FDXR: variants seen among roughly 807,000 people sequenced by gnomAD.
The protein encoded by FDXR is ferredoxin reductase.
FDXR carries 38 observed loss-of-function variants against 58.3 expected under a neutral mutation model. The ratio of observed to expected loss-of-function variants is 0.65; its 90% CI spans 0.50 to 0.85. The LOEUF (loss-of-function observed/expected upper bound fraction) is 0.85, where lower values mean the gene tolerates loss of function less well. Ranked by LOEUF, FDXR falls within the 40% of genes least tolerant of loss-of-function variation. FDXR has a pLI of 0.00. For synonymous variants in FDXR, 275 were observed against 273.8 expected (o/e 1.00, Z -0.04); for missense variants, 624 against 671.0 (o/e 0.93, Z 0.77).
At chr17:74,872,690 A>G (rs1290878530) in intron 1 of FDXR, 176 bp downstream of exon 1, 2 of 1,383,432 alleles carry the variant, frequency 1.4e-6, no homozygotes, top group East Asian at 2.5e-5. Context: ...TAGAAGCCTC[A>G]CATCTCACGC....
chr17:74,867,455 C>G (rs1029815794), intron 2 of FDXR, among the ~76,000 whole-genome samples: 1 of 152,022 alleles, frequency 6.6e-6, no homozygotes, highest in Admixed American at 6.5e-5. Flanking sequence ...GCACAACCCA[C>G]AGCCCTGGCC....
chr17:74,870,905 C>T (rs905562766), intron 2 of FDXR, among the ~76,000 whole-genome samples: 4 of 147,514 alleles, frequency 2.7e-5, no homozygotes, highest in South Asian at 2.1e-4. Flanking sequence ...TGGGTTCAAG[C>T]GATCCTCCCG....
At chr17:74,870,500 G>A (rs1252506626) in intron 2 of FDXR, among the ~76,000 whole-genome samples, 3 of 119,002 alleles carry the variant, frequency 2.5e-5, no homozygotes, top group Non-Finnish European at 4.8e-5. Flanking sequence ...CTGGGCGACA[G>A]AGCCAGACTC....
intron 2 of FDXR, among the ~76,000 whole-genome samples, chr17:74,871,271 C>T (rs1257980385): frequency 6.6e-6 from 1 of 152,232 alleles, no homozygotes; most frequent in Non-Finnish European, 1.5e-5. Context: ...GCGCTGAAGC[C>T]CCTTGTCCTG....
chr17:74,864,937 A>T lies in FDXR; in HGVS notation c.610-6T>A. 1 of 1,614,158 alleles carries T rather than the reference A, an allele frequency of 6.2e-7. No homozygotes were observed. The highest frequency in any genetic ancestry group is 1.1e-5 in the South Asian group (1 of 91,088). On this transcript the variant is annotated splice_polypyrimidine_tract_variant and splice_region_variant and intron_variant, in intron 6 of 11. Coordinates refer to ENST00000293195, the MANE Select transcript of FDXR (RefSeq NM_024417.5). ...GCCTTCGTGATGTCCGTTCTCTGGC[A>T]CAAAAGGAGGGCCTTGGAGTCATCA... is the stretch of plus-strand genomic sequence containing the variant.
intron 5 of FDXR, 50 bp downstream of exon 5, chr17:74,866,081 G>A (rs373706276): frequency 4.6e-5 from 64 of 1,380,746 alleles, no homozygotes; most frequent in Non-Finnish European, 6.0e-5. Flanking sequence ...TGGCATCCAA[G>A]GGCTGAGGGG....
At chr17:74,862,995 G>T in intron 11 of FDXR, 48 bp from the exon 12 acceptor site, 2 of 1,603,982 alleles carry the variant, frequency 1.2e-6, no homozygotes, top group Non-Finnish European at 1.7e-6. Flanking sequence ...ACCCCTCCCA[G>T]AACAGCCCCC....
intron 2 of FDXR, chr17:74,868,535 C>T: frequency 1.3e-6 from 2 of 1,520,354 alleles, no homozygotes; most frequent in African/African-American, 2.7e-5. Context: ...CAACACCTCA[C>T]CCAACCAACC....
Position 74,872,149 on chromosome 17 carries a change from G to A in FDXR, c.80-16C>T, listed in dbSNP as rs200166267. ...TGGCAGAAGCCTGGGGCCAGGCAGA[G>A]GAGAGGGAAAAGGTCAAAATTAACT... On this transcript the variant is annotated splice_polypyrimidine_tract_variant and intron_variant, in intron 1 of 11. Transcript: ENST00000293195. 6.9e-6 allele frequency: 11 copies of A among 1,604,812 alleles called. No individual in the cohort carries two copies. In the East Asian group the frequency reaches 2.2e-4, roughly 33 times the overall value.
At chr17:74,867,175 T>G (rs886164243) in intron 2 of FDXR, among the ~76,000 whole-genome samples, 3 of 151,710 alleles carry the variant, frequency 2.0e-5, no homozygotes, top group Non-Finnish European at 2.9e-5. Context: ...AGCGTGGTGG[T>G]AGGCACCTGC....
At chr17:74,868,385 G>A (rs982252362) in intron 2 of FDXR, 38 of 683,662 alleles carry the variant, frequency 5.6e-5, no homozygotes, top group Non-Finnish European at 7.2e-5. Context: ...CAGGCAGCCC[G>A]GGGTGCAACC....
intron 2 of FDXR, among the ~76,000 whole-genome samples, chr17:74,870,600 A>C (rs888834870): frequency 5.0e-4 from 52 of 104,678 alleles, no homozygotes; most frequent in African/African-American, 2.0e-3. Context: ...CTAAAAAAAA[A>C]CTGTCCCTTA....
rs1567907360 is a variant in FDXR at position 74,863,078 on chromosome 17, C to CGGCTG, written c.1338_1342dup (p.Arg448ProfsTer78). The CGGCTG allele has an allele frequency of 6.2e-7, 1 of 1,611,030 alleles. No homozygotes were observed. Among genetic ancestry groups the CGGCTG allele is most frequent in the Non-Finnish European group, 8.5e-7 (1 of 1,178,606 alleles). On this transcript the variant is annotated frameshift_variant, in exon 11 of 12. Coordinates refer to ENST00000293195, the MANE Select transcript of FDXR (RefSeq NM_024417.5). LOFTEE classifies it high-confidence loss of function. ...GACCTCAGCATCGGGGCCCAGACCT[C>CGGCTG]GGCTGCTGAGCAGGGCCTGGATGGC...
intron 2 of FDXR, among the ~76,000 whole-genome samples, chr17:74,867,157 A>C (rs1397689144): frequency 6.6e-6 from 1 of 151,870 alleles, no homozygotes; most frequent in Admixed American, 6.6e-5. Context: ...AAATACAAAG[A>C]TTAGCTGAGC....
chr17:74,866,710 C>T lies in FDXR; in HGVS notation c.270+74G>A, dbSNP rs1214901033. ...GACGGCATGAAGTCCTGTCATCCAG[C>T]CAGGGAGCCTCCCTGCCCTCCTCAT... On this transcript the variant is annotated intron_variant, in intron 3 of 11. Transcript: ENST00000293195. The T allele has an allele frequency of 2.5e-6, 4 of 1,587,088 alleles. No individual in the cohort carries two copies. The African/African-American group carries it at 5.4e-5, about 21-fold the overall frequency.
intron 2 of FDXR, chr17:74,870,250 C>T (rs2038327403): frequency 4.3e-6 from 1 of 230,320 alleles, no homozygotes; most frequent in Admixed American, 4.3e-5. Context: ...GGCGCGGGGG[C>T]TCACGCCTGT....
chr17:74,863,064 C>T lies in FDXR; in HGVS notation c.1345+12G>A, dbSNP rs893472167. 6.2e-6 allele frequency: 10 copies of T among 1,608,588 alleles called. No homozygotes were observed. Among genetic ancestry groups the T allele is most frequent in the Middle Eastern group, 3.3e-4 (2 of 6,076 alleles). ...ACCCCACCTCCCAGGACCTCAGCATCGGGGCCCAGACCTCGGCTGCTGAGC... is the reference window on the plus strand; with the variant it reads ...ACCCCACCTCCCAGGACCTCAGCATTGGGGCCCAGACCTCGGCTGCTGAGC... On this transcript the variant is annotated intron_variant, in intron 11 of 11. Coordinates refer to ENST00000293195, the MANE Select transcript of FDXR (RefSeq NM_024417.5).
intron 5 of FDXR, 114 bp from the exon 6 acceptor site, chr17:74,865,934 G>T (rs1054834835): frequency 1.3e-5 from 12 of 943,900 alleles, no homozygotes; most frequent in Non-Finnish European, 2.0e-5. Flanking sequence ...CCCACACCGG[G>T]AAAGTCCACA....
rs372742105 is a variant in FDXR at position 74,872,027 on chromosome 17, G to C, written c.177+9C>G. 5.9e-5 allele frequency: 93 copies of C among 1,568,766 alleles called. No individual in the cohort carries two copies. The highest frequency in any genetic ancestry group is 7.6e-5 in the Non-Finnish European group (88 of 1,157,374). On this transcript the variant is annotated intron_variant, in intron 2 of 11. Transcript: ENST00000293195. Reference sequence around the variant, plus strand: ...CAGGTGAATGATGGACTATGAGTAAGTGGCTTACCTTTAGCAGGTGTTGGG... The same window carrying C: ...CAGGTGAATGATGGACTATGAGTAACTGGCTTACCTTTAGCAGGTGTTGGG...
Sources: allele counts gnomAD v4.1 joint callset (sites outside exome capture counted in the v4.1 genomes callset), GRCh38; gene constraint gnomAD v4.1.1; transcripts MANE v1.5; gene names NCBI Gene and HGNC (gene_info 2026-07-23, HGNC 2026-07-21).